Variants in LMX1B observed in about 807,000 individuals in gnomAD.
The protein encoded by LMX1B is LIM homeobox transcription factor 1-beta.
In LMX1B, 12 loss-of-function variants were observed where a neutral mutation model predicts 51.4. That is an observed-to-expected ratio of 0.23 (90% confidence interval 0.15 to 0.38). LMX1B has a LOEUF of 0.38. Ranked by LOEUF, LMX1B falls within the 10% of genes least tolerant of loss-of-function variation. LMX1B has a pLI of 1.00. For synonymous variants in LMX1B, 237 were observed against 235.4 expected (o/e 1.01, Z -0.06); for missense variants, 445 against 571.1 (o/e 0.78, Z 2.25).
rs1395711012 is a variant in LMX1B, at chr9:126,614,243, G to A, written c.-207G>A. ...CTGCAAGTGTCCGGGAGAGCGCGGCGCGGGCTGCAGCCGCCCCGGCCCGCC... is the reference window on the plus strand; with the variant it reads ...CTGCAAGTGTCCGGGAGAGCGCGGCACGGGCTGCAGCCGCCCCGGCCCGCC... On this transcript the variant is annotated 5_prime_UTR_variant, in exon 1 of 8. Coordinates refer to ENST00000373474, the MANE Select transcript of LMX1B (RefSeq NM_001174147.2). Among the ~76,000 whole-genome samples the A allele has an allele frequency of 3.4e-5, 5 of 146,030 alleles. No homozygotes were observed. Among genetic ancestry groups the A allele is most frequent in the African/African-American group, 1.2e-4 (5 of 40,764 alleles).
chr9:126,655,531 G>A (rs1179703123), intron 2 of LMX1B, among the ~76,000 whole-genome samples: 1 of 152,166 alleles, frequency 6.6e-6, no homozygotes, highest in Non-Finnish European at 1.5e-5. Flanking sequence ...CCTCCACGTG[G>A]TAAGCAGCAA....
Position 126,614,344 on chromosome 9 carries a change from G to T in LMX1B, c.-106G>T. 1.2e-6 allele frequency: 1 copy of T among 816,018 alleles called. No homozygotes were observed. The highest frequency in any genetic ancestry group is 1.5e-6 in the Non-Finnish European group (1 of 662,026). 50.5% of individuals were successfully genotyped at this position (816,018 alleles called of 1,614,324 possible). A position where few individuals can be genotyped will look rare whatever the true frequency, so the allele number is the denominator to read the frequency against. ...GGGGCCGGCGCAACCCCTGCCCTGC[G>T]GGGGCCGCGCCTCCCCGGTTCCAGG... On this transcript the variant is annotated 5_prime_UTR_variant, in exon 1 of 8. Transcript: ENST00000373474.
At chr9:126,649,375 A>T (rs571195208) in intron 2 of LMX1B, among the ~76,000 whole-genome samples, 1 of 152,218 alleles carries the variant, frequency 6.6e-6, no homozygotes, top group African/African-American at 2.4e-5. Flanking sequence ...TTCCAGAGGC[A>T]TCTCTCCTGC....
chr9:126,689,237 A>G (rs1202534024), intron 2 of LMX1B, among the ~76,000 whole-genome samples: 1 of 152,218 alleles, frequency 6.6e-6, no homozygotes, highest in Non-Finnish European at 1.5e-5. Flanking sequence ...GCCAGTGCCC[A>G]GGCAGCATGC....
rs1379292846 is a variant in LMX1B, at chr9:126,698,159, G to GC, written c.*1710dup. ...CAAAGTGCTGGGATTACAGGCGTGA[G>GC]CCACCGCACCCAGTCTGCACTTACT... On this transcript the variant is annotated 3_prime_UTR_variant, in exon 8 of 8. Coordinates refer to ENST00000373474, the MANE Select transcript of LMX1B (RefSeq NM_001174147.2). 1 of 152,568 alleles carries GC rather than the reference G, an allele frequency of 6.6e-6. No individual in the cohort carries two copies. The highest frequency in any genetic ancestry group is 1.5e-5 in the Non-Finnish European group (1 of 68,312). 9.5% of individuals were successfully genotyped at this position (152,568 alleles called of 1,614,324 possible).
chr9:126,643,851 G>T (rs1402268043), intron 2 of LMX1B, among the ~76,000 whole-genome samples: 1 of 152,204 alleles, frequency 6.6e-6, no homozygotes, highest in Non-Finnish European at 1.5e-5. Flanking sequence ...TGTGTGCCAG[G>T]CACTGTGTTT....
intron 2 of LMX1B, among the ~76,000 whole-genome samples, chr9:126,634,868 G>C (rs975562479): frequency 2.0e-5 from 3 of 152,128 alleles, no homozygotes; most frequent in African/African-American, 7.2e-5. Flanking sequence ...TTGCAGGTGT[G>C]GGGTACAGTG....
chr9:126,667,167 G>A (rs1836356479), intron 2 of LMX1B, among the ~76,000 whole-genome samples: 1 of 152,212 alleles, frequency 6.6e-6, no homozygotes, highest in African/African-American at 2.4e-5. Flanking sequence ...CTACAACATA[G>A]GAGCATGTTC....
chr9:126,648,796 A>C (rs577675357), intron 2 of LMX1B, among the ~76,000 whole-genome samples: 1 of 152,258 alleles, frequency 6.6e-6, no homozygotes, highest in East Asian at 1.9e-4. Flanking sequence ...ACCAGGACTG[A>C]GGGGGCTGTG....
chr9:126,624,746 T>C (rs2118846182), intron 2 of LMX1B, among the ~76,000 whole-genome samples: 1 of 152,042 alleles, frequency 6.6e-6, no homozygotes, highest in East Asian at 1.9e-4. Context: ...AACAGACTTG[T>C]ATCTGTGGAG....
Position 126,697,280 on chromosome 9 carries a change from GGGGCAGCCTGGGCAGGGA to G in LMX1B, c.*838_*855del, listed in dbSNP as rs2030374609. 6.6e-6 allele frequency: 1 copy of G among 152,354 alleles called. No homozygotes were observed. The highest frequency in any genetic ancestry group is 1.5e-5 in the Non-Finnish European group (1 of 68,210). The allele number at this position is 152,354 out of a possible 1,614,324, so 9.4% of individuals were successfully genotyped here. ...TTGTATCCCAGCCTGGGCCCAAATG[GGGGCAGCCTGGGCAGGGA>G]GGGCAGCCCCAGGCCCCACCAACTC... On this transcript the variant is annotated 3_prime_UTR_variant, in exon 8 of 8. Transcript: ENST00000373474.
chr9:126,630,161 CA>C (rs386416246), intron 2 of LMX1B, among the ~76,000 whole-genome samples: 112 of 83,818 alleles, frequency 1.3e-3, no homozygotes, highest in South Asian at 0.01. Flanking sequence ...GACTCCGTCT[CA>C]AAAAAAAAAA....
chr9:126,682,712 T>A (rs1836697940), intron 2 of LMX1B, among the ~76,000 whole-genome samples: 1 of 151,966 alleles, frequency 6.6e-6, no homozygotes, highest in Non-Finnish European at 1.5e-5. Flanking sequence ...CTGGCTAACA[T>A]GGTGAAACCC....
chr9:126,696,272 T>C, intron 7 of LMX1B, 22 bp from the exon 8 acceptor site: 3 of 1,613,428 alleles, frequency 1.9e-6, no homozygotes, highest in Non-Finnish European at 2.5e-6. Flanking sequence ...ACCCCGGTCC[T>C]GACACCCCTT....
chr9:126,693,629 G>T (rs1554728740), intron 5 of LMX1B, 28 bp downstream of exon 5: 2 of 1,613,244 alleles, frequency 1.2e-6, no homozygotes, highest in Middle Eastern at 3.3e-4. Context: ...ATCCCCACTG[G>T]CCCCGGGTAG....
chr9:126,683,183 G>A (rs139576523), intron 2 of LMX1B, among the ~76,000 whole-genome samples: 3,320 of 151,106 alleles, frequency 0.022, 93 homozygotes, highest in African/African-American at 0.063. Context: ...AGGAGGCCGG[G>A]GGAGGCCGGG....
At chr9:126,691,150 GC>G in intron 3 of LMX1B, 82 bp downstream of exon 3, 2 of 1,022,294 alleles carry the variant, frequency 2.0e-6, no homozygotes, top group Non-Finnish European at 2.9e-6. Context: ...GGCTGGAGAA[GC>G]CACCTCCTGC....
intron 2 of LMX1B, among the ~76,000 whole-genome samples, chr9:126,662,283 A>G: frequency 6.6e-6 from 1 of 152,228 alleles, no homozygotes; most frequent in East Asian, 1.9e-4. Context: ...GCTTAGCATG[A>G]GCCTGGGGCA....
chr9:126,635,170 G>T (rs1188679346), intron 2 of LMX1B, among the ~76,000 whole-genome samples: 1 of 152,146 alleles, frequency 6.6e-6, no homozygotes, highest in Non-Finnish European at 1.5e-5. Context: ...CACACGGCTG[G>T]GGAGCTTCAC....
Sources: allele counts gnomAD v4.1 joint callset (sites outside exome capture counted in the v4.1 genomes callset), GRCh38; gene constraint gnomAD v4.1.1; transcripts MANE v1.5; gene names NCBI Gene and HGNC (gene_info 2026-07-23, HGNC 2026-07-21).